The following NOX4 variants were observed in gnomAD, a reference collection of about 807,000 sequenced individuals.
The protein encoded by NOX4 is kidney oxidase-1.
Under a neutral mutation model 87.6 loss-of-function variants are expected in NOX4, and 69 were observed. The observed-to-expected ratio is 0.79, with a 90% CI of 0.65 to 0.96. NOX4 has a LOEUF of 0.96. Ranked by LOEUF, NOX4 falls within the 40% of genes least tolerant of loss-of-function variation. NOX4 has a pLI of 0.00. For missense variants in NOX4, 680 were observed against 681.5 expected (o/e 1.00, Z 0.02); for synonymous variants, 275 against 238.2 (o/e 1.15, Z -1.42).
intron 6 of NOX4, among the ~76,000 whole-genome samples, chr11:89,433,139 C>G (rs11018613): frequency 0.093 from 14,072 of 152,018 alleles, 803 homozygotes; most frequent in South Asian, 0.2. Flanking sequence ...GCATATCCAT[C>G]CATCATCTCA....
the NOX4 span, among the ~76,000 whole-genome samples, chr11:89,538,927 T>TGTCATGCTGGGGATGAG: frequency 6.6e-6 from 1 of 152,024 alleles, no homozygotes; most frequent in Non-Finnish European, 1.5e-5. Context: ...AGTTAGATGA[T>TGTCATGCTGGGGATGAG]GTCATGCTGG....
chr11:89,576,466 T>C, the NOX4 span, among the ~76,000 whole-genome samples: 2 of 152,336 alleles, frequency 1.3e-5, no homozygotes, highest in South Asian at 2.1e-4. Flanking sequence ...AATCATACGA[T>C]AAAAAAGCTA....
the NOX4 span, among the ~76,000 whole-genome samples, chr11:89,520,901 A>T: frequency 5.3e-5 from 8 of 152,256 alleles, no homozygotes; most frequent in Middle Eastern, 6.8e-3. Context: ...CACCAATAAC[A>T]TTCAAGCTGA....
chr11:89,489,381 T>A (rs1479089292), intron 2 of NOX4, among the ~76,000 whole-genome samples: 2 of 152,182 alleles, frequency 1.3e-5, no homozygotes, highest in African/African-American at 4.8e-5. Context: ...AATCTATTTT[T>A]TCAGGTTCCC....
the NOX4 span, among the ~76,000 whole-genome samples, chr11:89,539,031 A>G: frequency 2.0e-5 from 3 of 152,176 alleles, no homozygotes; most frequent in African/African-American, 7.2e-5. Flanking sequence ...ACACTTGAAA[A>G]TACAGCAAGA....
intron 11 of NOX4, among the ~76,000 whole-genome samples, chr11:89,387,627 T>C (rs1248182500): frequency 6.6e-6 from 1 of 152,208 alleles, no homozygotes; most frequent in Non-Finnish European, 1.5e-5. Flanking sequence ...GATTCATTAC[T>C]TCTATTTAAA....
chr11:89,484,508 C>T (rs1353249138), intron 2 of NOX4, among the ~76,000 whole-genome samples: 1 of 152,040 alleles, frequency 6.6e-6, no homozygotes, highest in Non-Finnish European at 1.5e-5. Flanking sequence ...TTAAAATGTT[C>T]TTGCGTGTGT....
chr11:89,413,976 A>G (rs947372096), intron 8 of NOX4, among the ~76,000 whole-genome samples: 1 of 152,042 alleles, frequency 6.6e-6, no homozygotes, highest in African/African-American at 2.4e-5. Flanking sequence ...CAATAAAAAT[A>G]TATGTGTATA....
intron 6 of NOX4, among the ~76,000 whole-genome samples, chr11:89,434,887 T>G (rs557027662): frequency 5.3e-5 from 8 of 152,222 alleles, no homozygotes; most frequent in African/African-American, 1.7e-4. Flanking sequence ...ACAAATTCTA[T>G]GATTCCTTGT....
the NOX4 span, among the ~76,000 whole-genome samples, chr11:89,504,273 G>T: frequency 6.6e-6 from 1 of 151,980 alleles, no homozygotes; most frequent in African/African-American, 2.4e-5. Flanking sequence ...AGAAAAAGTG[G>T]CATAAAATGA....
intron 2 of NOX4, among the ~76,000 whole-genome samples, chr11:89,453,247 T>C (rs1191679899): frequency 1.3e-5 from 2 of 152,156 alleles, no homozygotes; most frequent in African/African-American, 4.8e-5. Context: ...TTCTACTCTC[T>C]ACTTCTATGA....
chr11:89,349,539 G>GC (rs1411364147), intron 13 of NOX4, among the ~76,000 whole-genome samples: 1 of 152,044 alleles, frequency 6.6e-6, no homozygotes, highest in Non-Finnish European at 1.5e-5. Flanking sequence ...TTTTTACGTA[G>GC]CCCATTAGAA....
chr11:89,444,724 T>C (rs887488891), intron 4 of NOX4, among the ~76,000 whole-genome samples: 2 of 152,150 alleles, frequency 1.3e-5, no homozygotes, highest in Non-Finnish European at 2.9e-5. Context: ...TTTCAACTAG[T>C]AGAAATTTTT....
At chr11:89,438,868 TA>T (rs1565293860) in intron 6 of NOX4, among the ~76,000 whole-genome samples, 113 of 8,486 alleles carry the variant, frequency 0.013, no homozygotes, top group Non-Finnish European at 0.018. Flanking sequence ...TTATATATTA[TA>T]TATATAATAT....
intron 3 of NOX4, among the ~76,000 whole-genome samples, chr11:89,451,513 G>A (rs1006266858): frequency 6.6e-6 from 1 of 152,144 alleles, no homozygotes; most frequent in South Asian, 2.1e-4. Context: ...ATACCTGATT[G>A]TAGAATCCCT....
At chr11:89,508,564 T>G in the NOX4 span, among the ~76,000 whole-genome samples, 1 of 152,090 alleles carries the variant, frequency 6.6e-6, no homozygotes, top group Non-Finnish European at 1.5e-5. Flanking sequence ...AAATGACATG[T>G]CATAACTTTT....
intron 8 of NOX4, among the ~76,000 whole-genome samples, chr11:89,415,508 T>C (rs141222050): frequency 1.4e-3 from 216 of 152,270 alleles, no homozygotes; most frequent in African/African-American, 5.0e-3. Context: ...TGAAACGTTT[T>C]TGACCACACA....
At position 89,337,383 on chromosome 11, in the gene NOX4, C is replaced by A; in HGVS notation, c.1515+64G>T. ...CACCTGCAGGAATTTTCTTCCACCA[C>A]AGCTCCTACAGTAAATCTATTATCA... is the stretch of plus-strand genomic sequence containing the variant. On this transcript the variant is annotated intron_variant, in intron 16 of 17. Coordinates refer to ENST00000263317, the MANE Select transcript of NOX4 (RefSeq NM_016931.5). 3 of 1,600,328 alleles carry A rather than the reference C, an allele frequency of 1.9e-6. No homozygotes were observed. The South Asian group carries it at 3.3e-5, about 18-fold the overall frequency.
intron 7 of NOX4, among the ~76,000 whole-genome samples, chr11:89,426,103 G>T (rs561914406): frequency 1.8e-4 from 28 of 152,170 alleles, no homozygotes; most frequent in Admixed American, 1.5e-3. Flanking sequence ...TTAACTATAA[G>T]AATCAATATG....
Sources: gnomAD v4.1 joint callset for allele counts (sites outside exome capture counted in the v4.1 genomes callset) on GRCh38, gnomAD v4.1.1 for gene constraint, MANE v1.5 for transcripts, NCBI Gene and HGNC (gene_info 2026-07-23, HGNC 2026-07-21) for gene names.